N4BP2L1: variants seen among roughly 807,000 people sequenced by gnomAD.
The protein encoded by N4BP2L1 is NEDD4-binding protein 2-like 1.
In N4BP2L1, 12 loss-of-function variants were observed where a neutral mutation model predicts 21.2. The observed-to-expected ratio is 0.57, with a 90% CI of 0.36 to 0.92. The LOEUF is 0.92. Ranked by LOEUF, N4BP2L1 falls within the 40% of genes least tolerant of loss-of-function variation. N4BP2L1 has a pLI of 0.01. For missense variants in N4BP2L1, 259 were observed against 310.6 expected, an observed-to-expected ratio of 0.83 and a Z score of 1.25; for synonymous variants, 104 against 112.8, an observed-to-expected ratio of 0.92 and a Z score of 0.49.
chr13:32,417,524 TATA>T (rs1374117400), intron 1 of N4BP2L1, among the ~76,000 whole-genome samples: 1 of 152,204 alleles, frequency 6.6e-6, no homozygotes, highest in East Asian at 1.9e-4. Flanking sequence ...CTCTTTCCTT[TATA>T]AATTACCCAG....
At chr13:32,424,790 T>TAA (rs2074672854) in intron 1 of N4BP2L1, 1 of 152,218 alleles carries the variant, frequency 6.6e-6, no homozygotes, top group South Asian at 2.1e-4. Context: ...TTTAATCAGT[T>TAA]AAAACTCCAA....
chr13:32,413,374 G>A (rs2073964377), intron 1 of N4BP2L1, among the ~76,000 whole-genome samples: 1 of 152,192 alleles, frequency 6.6e-6, no homozygotes, highest in African/African-American at 2.4e-5. Flanking sequence ...GGTTTCTCTA[G>A]TTGGTATGAG....
At chr13:32,405,343 C>G (rs143959339) in intron 3 of N4BP2L1, among the ~76,000 whole-genome samples, 4,429 of 152,182 alleles carry the variant, frequency 0.029, 228 homozygotes, top group African/African-American at 0.1. Flanking sequence ...ATCCCCGTCT[C>G]TACTAAAAAT....
intron 1 of N4BP2L1, among the ~76,000 whole-genome samples, chr13:32,408,432 C>G (rs571971198): frequency 1.3e-5 from 2 of 152,322 alleles, no homozygotes; most frequent in African/African-American, 2.4e-5. Context: ...CCCTCCACCA[C>G]TCTAAGTAGG....
chr13:32,405,892 C>CCTTTTTTT (rs2073452557), intron 3 of N4BP2L1, among the ~76,000 whole-genome samples: 2 of 101,192 alleles, frequency 2.0e-5, no homozygotes, highest in African/African-American at 4.5e-5. Context: ...TTCCTGCCCC[C>CCTTTTTTT]TTTTTTTTTT....
chr13:32,403,300 C>G (rs1566277749), intron 4 of N4BP2L1, 100 bp from the exon 5 acceptor site: 6 of 1,226,290 alleles, frequency 4.9e-6, no homozygotes, highest in Non-Finnish European at 4.5e-6. Flanking sequence ...AGTCCCTGTT[C>G]TCAGGACCTA....
At chr13:32,427,366 C>T (rs958519282) in intron 1 of N4BP2L1, among the ~76,000 whole-genome samples, 8 of 152,252 alleles carry the variant, frequency 5.3e-5, no homozygotes. Context: ...ACCCCCGGAC[C>T]CCTCGTTTAT....
At chr13:32,419,985 G>A (rs929266822) in intron 1 of N4BP2L1, among the ~76,000 whole-genome samples, 20 of 152,194 alleles carry the variant, frequency 1.3e-4, no homozygotes, top group Middle Eastern at 3.2e-3. Flanking sequence ...AGGTGTGGCC[G>A]AACCTGGGCA....
intron 1 of N4BP2L1, among the ~76,000 whole-genome samples, chr13:32,413,443 G>A (rs1047975981): frequency 6.6e-6 from 1 of 152,138 alleles, no homozygotes; most frequent in Non-Finnish European, 1.5e-5. Context: ...CAGATTAAAT[G>A]TTTTTTAAAA....
At chr13:32,425,497 C>A (rs2074713886) in intron 1 of N4BP2L1, 1 of 152,234 alleles carries the variant, frequency 6.6e-6, no homozygotes, top group Non-Finnish European at 1.5e-5. Flanking sequence ...TCTCAGCTGA[C>A]CAACAACGGA....
chr13:32,401,581 T>C lies in N4BP2L1; in HGVS notation c.*1361A>G, dbSNP rs2073132726. ...CAACTAAATTATAAGGCTGCTTTTG[T>C]CATTACCTTTACGATTCCTATTTAT... On this transcript the variant is annotated 3_prime_UTR_variant, in exon 5 of 5. Transcript: ENST00000380130. 2 of 152,518 alleles carry C rather than the reference T, an allele frequency of 1.3e-5. No homozygotes were observed. The highest frequency in any genetic ancestry group is 4.8e-5 in the African/African-American group (2 of 41,454). The allele number at this position is 152,518 out of a possible 1,614,324, so 9.4% of individuals were successfully genotyped here.
chr13:32,424,627 C>A (rs1156823797), intron 1 of N4BP2L1, among the ~76,000 whole-genome samples: 1 of 152,184 alleles, frequency 6.6e-6, no homozygotes, highest in Non-Finnish European at 1.5e-5. Context: ...ACCGCTCCAC[C>A]CTCCAATTAT....
At chr13:32,429,105 C>A (rs1308183267), upstream of N4BP2L1, among the ~76,000 whole-genome samples, 2 of 152,202 alleles carry the variant, frequency 1.3e-5, no homozygotes, top group Admixed American at 1.3e-4. Context: ...GTAATAAATT[C>A]TATTTCTGGC....
chr13:32,422,248 G>A (rs206331), intron 1 of N4BP2L1, among the ~76,000 whole-genome samples: 2 of 151,798 alleles, frequency 1.3e-5, no homozygotes, highest in Non-Finnish European at 2.9e-5. Context: ...AACTTAGCCC[G>A]CTTATAAGGC....
intron 1 of N4BP2L1, among the ~76,000 whole-genome samples, chr13:32,410,824 G>A (rs2073818363): frequency 6.6e-6 from 1 of 152,064 alleles, no homozygotes; most frequent in African/African-American, 2.4e-5. Flanking sequence ...AGCAACCATG[G>A]TAACTGAATC....
At chr13:32,417,483 C>T (rs2074215709) in intron 1 of N4BP2L1, among the ~76,000 whole-genome samples, 1 of 152,124 alleles carries the variant, frequency 6.6e-6, no homozygotes, top group Admixed American at 6.6e-5. Flanking sequence ...TGAGGCCTCC[C>T]CAGCCATGCT....
At chr13:32,408,864 C>G (rs1451047133) in intron 1 of N4BP2L1, among the ~76,000 whole-genome samples, 2 of 152,228 alleles carry the variant, frequency 1.3e-5, no homozygotes, top group Non-Finnish European at 2.9e-5. Context: ...AAGAACAGAA[C>G]AAACATGAGG....
At chr13:32,420,218 G>C (rs973631197) in intron 1 of N4BP2L1, among the ~76,000 whole-genome samples, 1 of 152,262 alleles carries the variant, frequency 6.6e-6, no homozygotes, top group African/African-American at 2.4e-5. Context: ...TCGTTTGTCA[G>C]TGTGGTCCCA....
intron 1 of N4BP2L1, among the ~76,000 whole-genome samples, chr13:32,414,916 C>T (rs369036369): frequency 1.1e-4 from 16 of 152,220 alleles, no homozygotes; most frequent in South Asian, 8.3e-4. Context: ...CTGTTGTCTT[C>T]GTATGAAAGA....
Sources: allele counts gnomAD v4.1 joint callset (sites outside exome capture counted in the v4.1 genomes callset), GRCh38; gene constraint gnomAD v4.1.1; transcripts MANE v1.5; gene names NCBI Gene and HGNC (gene_info 2026-07-23, HGNC 2026-07-21).